Variants in SEMA4D observed in about 807,000 individuals in gnomAD.
SEMA4D encodes the protein semaphorin 4D, also known as semaphorin-4D.
Under a neutral mutation model 74.8 loss-of-function variants are expected in SEMA4D, and 22 were observed. That is an observed-to-expected ratio of 0.29 (90% confidence interval 0.21 to 0.42). The LOEUF (loss-of-function observed/expected upper bound fraction) is 0.42, where lower values mean the gene tolerates loss of function less well. SEMA4D is among the 10% of genes least tolerant of loss of function. SEMA4D has a pLI of 1.00. For synonymous variants in SEMA4D, 445 were observed against 463.7 expected (o/e 0.96, Z 0.52); for missense variants, 937 against 1,118.4 (o/e 0.84, Z 2.31).
At chr9:89,374,258 C>G (rs931666361), downstream of SEMA4D, among the ~76,000 whole-genome samples, 2 of 152,222 alleles carry the variant, frequency 1.3e-5, no homozygotes, top group Non-Finnish European at 2.9e-5. Context: ...CTCCCCTACC[C>G]TCTACACACT....
rs181082839 is a variant in SEMA4D at position 89,379,985 on chromosome 9, G to T, written c.1664-356C>A. 3.8e-3 allele frequency among the ~76,000 whole-genome samples: 575 copies of T among 152,332 alleles called. 9 individuals are homozygous for T. The highest frequency in any genetic ancestry group is 0.013 in the African/African-American group (532 of 41,576). ...CGCTTCTGCTAATGGCTGCAAGGAA[G>T]ACTGGCCTTTCAGTGCATCTCAGCA... On this transcript the variant is annotated intron_variant, in intron 15 of 15. Transcript: ENST00000422704.
At chr9:89,469,322 A>G (rs2135913152) in intron 1 of SEMA4D, among the ~76,000 whole-genome samples, 1 of 152,390 alleles carries the variant, frequency 6.6e-6, no homozygotes, top group Middle Eastern at 3.4e-3. Flanking sequence ...GAAAAGGCTC[A>G]GAGATAGGTT....
chr9:89,372,651 C>G (rs1385070491), downstream of SEMA4D, among the ~76,000 whole-genome samples: 1 of 152,032 alleles, frequency 6.6e-6, no homozygotes, highest in Non-Finnish European at 1.5e-5. Flanking sequence ...CCTGCCGATG[C>G]ACTCAGTCCC....
At chr9:89,483,862 T>C (rs991206374) in intron 1 of SEMA4D, among the ~76,000 whole-genome samples, 1 of 152,194 alleles carries the variant, frequency 6.6e-6, no homozygotes, top group Non-Finnish European at 1.5e-5. Flanking sequence ...GCTTTTGTAT[T>C]GTAATAAAAA....
chr9:89,489,916 A>T (rs1825492023), intron 1 of SEMA4D, among the ~76,000 whole-genome samples: 2 of 152,138 alleles, frequency 1.3e-5, no homozygotes, highest in South Asian at 4.1e-4. Flanking sequence ...CTTTTTGAGG[A>T]ATCTCCAAAC....
intron 15 of SEMA4D, 112 bp downstream of exon 15, chr9:89,380,943 A>T: frequency 1.5e-6 from 2 of 1,290,808 alleles, no homozygotes; most frequent in Non-Finnish European, 2.2e-6. Flanking sequence ...CTCTGTTCCG[A>T]GTGGAGAAAG....
chr9:89,448,353 C>T (rs893421517), intron 2 of SEMA4D, among the ~76,000 whole-genome samples: 1 of 152,224 alleles, frequency 6.6e-6, no homozygotes, highest in South Asian at 2.1e-4. Flanking sequence ...GTCTGTCTAC[C>T]CCAACAGTAA....
At chr9:89,446,926 C>T (rs1242745277) in intron 2 of SEMA4D, among the ~76,000 whole-genome samples, 2 of 152,172 alleles carry the variant, frequency 1.3e-5, no homozygotes, top group African/African-American at 2.4e-5. Context: ...ATAGGTGCTG[C>T]CCCCAAAGAC....
intron 11 of SEMA4D, 96 bp from the exon 12 acceptor site, chr9:89,387,704 C>T: frequency 1.0e-6 from 1 of 979,292 alleles, no homozygotes. Flanking sequence ...GCTGCAAAAC[C>T]TGGAAACCAC....
chr9:89,459,765 G>C (rs1388614589), intron 1 of SEMA4D, among the ~76,000 whole-genome samples: 1 of 152,172 alleles, frequency 6.6e-6, no homozygotes, highest in Non-Finnish European at 1.5e-5. Context: ...CAGGGACCAA[G>C]GTCCTCAGCT....
intron 1 of SEMA4D, among the ~76,000 whole-genome samples, chr9:89,477,107 C>T (rs912347525): frequency 6.6e-6 from 1 of 152,278 alleles, no homozygotes; most frequent in African/African-American, 2.4e-5. Context: ...CAGTAAGCCT[C>T]CTAATGAGAA....
intron 11 of SEMA4D, 87 bp downstream of exon 11, chr9:89,388,549 C>CT: frequency 6.7e-7 from 1 of 1,492,138 alleles, no homozygotes; most frequent in Non-Finnish European, 8.9e-7. Context: ...GGTACCCAGC[C>CT]CATGAGCAGG....
chr9:89,362,367 G>A, exon 19 of SEMA4D: 1 of 1,614,058 alleles, frequency 6.2e-7, no homozygotes, highest in Non-Finnish European at 8.5e-7. Context: ...GTCTTGTTGG[G>A]GTTGAGGTCG....
In SEMA4D at chr9:89,378,817, C is replaced by T; in HGVS notation, c.2476G>A (p.Val826Ile). Residue 826 changes from valine (V) to isoleucine (I), a missense_variant, in exon 16 of 16, where the codon GTC becomes ATC. Transcript: ENST00000422704. ...TGTGAGTCCTCCCTATCCGTGGGGA[C>T]TTTGCTGGTGATGGTGTCTTGCTCG... is the stretch of plus-strand genomic sequence containing the variant. ...ETEQDTITSK[V>I]PTDREDSQRI... 5.6e-6 allele frequency: 9 copies of T among 1,614,206 alleles called. No homozygotes were observed. The highest frequency in any genetic ancestry group is 7.6e-6 in the Non-Finnish European group (9 of 1,180,032).
chr9:89,460,662 C>T (rs1588060003), intron 1 of SEMA4D, among the ~76,000 whole-genome samples: 2 of 152,188 alleles, frequency 1.3e-5, no homozygotes, highest in South Asian at 4.1e-4. Context: ...CAGAGATACC[C>T]CAGCCTCACA....
intron 2 of SEMA4D, among the ~76,000 whole-genome samples, chr9:89,453,857 CTTT>C (rs11300976): frequency 2.6e-4 from 33 of 127,926 alleles, no homozygotes; most frequent in South Asian, 1.0e-3. Flanking sequence ...GAATATATGT[CTTT>C]TTTTTTTTTT....
At chr9:89,462,949 AGGAGGGGGGAGCGAGCGAGG>A (rs1554782328) in intron 1 of SEMA4D, among the ~76,000 whole-genome samples, 26 of 101,796 alleles carry the variant, frequency 2.6e-4, no homozygotes, top group South Asian at 1.5e-3. Context: ...CTGGAAAGAA[AGGAGGGGGGAGCGAGCGAGG>A]GGAGGGGAGC....
At chr9:89,423,536 A>AT in intron 2 of SEMA4D, among the ~76,000 whole-genome samples, 1 of 152,210 alleles carries the variant, frequency 6.6e-6, no homozygotes, top group African/African-American at 2.4e-5. Context: ...AGAAACCTTA[A>AT]TTGCTTCTTA....
intron 1 of SEMA4D, among the ~76,000 whole-genome samples, chr9:89,466,447 T>G (rs904576317): frequency 2.0e-5 from 3 of 152,096 alleles, no homozygotes; most frequent in Non-Finnish European, 4.4e-5. Flanking sequence ...CTACAACACC[T>G]GGGACACGCT....
Sources: allele counts gnomAD v4.1 joint callset (sites outside exome capture counted in the v4.1 genomes callset), GRCh38; gene constraint gnomAD v4.1.1; transcripts MANE v1.5; gene names NCBI Gene and HGNC (gene_info 2026-07-23, HGNC 2026-07-21).